Variants in LEKR1 observed in about 807,000 individuals in gnomAD.
The protein encoded by LEKR1 is leucine, glutamate and lysine rich 1, also known as protein LEKR1.
In LEKR1, 59 loss-of-function variants were observed where a neutral mutation model predicts 72.4. The observed-to-expected ratio is 0.82, with a 90% CI of 0.66 to 1.01. The LOEUF (loss-of-function observed/expected upper bound fraction) is 1.01, where lower values mean the gene tolerates loss of function less well. Among genes scored for constraint, LEKR1 ranks in the 50% least tolerant of loss-of-function variants. LEKR1 has a pLI of 0.00. For missense variants in LEKR1, 728 were observed against 759.2 expected, an observed-to-expected ratio of 0.96 and a Z score of 0.48; for synonymous variants, 257 against 263.2, an observed-to-expected ratio of 0.98 and a Z score of 0.23.
At chr3:157,031,557 G>A (rs1211415575) in intron 12 of LEKR1, among the ~76,000 whole-genome samples, 1 of 152,050 alleles carries the variant, frequency 6.6e-6, no homozygotes, top group Admixed American at 6.6e-5. Flanking sequence ...TATAAAAATA[G>A]GAAATGAGCC....
At chr3:156,962,843 T>C (rs1054482272) in intron 6 of LEKR1, among the ~76,000 whole-genome samples, 1 of 152,190 alleles carries the variant, frequency 6.6e-6, no homozygotes, top group Non-Finnish European at 1.5e-5. Flanking sequence ...CATTGCAACC[T>C]TCTCTCCTTG....
chr3:156,859,668 A>G (rs1185010992), intron 3 of LEKR1, among the ~76,000 whole-genome samples: 1 of 152,130 alleles, frequency 6.6e-6, no homozygotes, highest in Admixed American at 6.5e-5. Context: ...ACAAATGTAT[A>G]AAGACATTAT....
intron 10 of LEKR1, among the ~76,000 whole-genome samples, chr3:157,012,307 T>A (rs549850352): frequency 1.6e-4 from 25 of 152,218 alleles, no homozygotes; most frequent in African/African-American, 6.0e-4. Context: ...TCTGCCTTAG[T>A]TTTCTTATTA....
chr3:156,900,173 G>GT, intron 3 of LEKR1, among the ~76,000 whole-genome samples: 1 of 152,172 alleles, frequency 6.6e-6, no homozygotes, highest in Non-Finnish European at 1.5e-5. Flanking sequence ...CAGGAGACTG[G>GT]TTTTGTGGGA....
chr3:156,901,710 G>T (rs949177203), intron 3 of LEKR1, among the ~76,000 whole-genome samples: 14 of 151,938 alleles, frequency 9.2e-5, no homozygotes, highest in African/African-American at 3.1e-4. Flanking sequence ...GTTTTGAGAC[G>T]GAGTCTCACT....
chr3:157,034,839 G>A (rs1259682529), intron 12 of LEKR1, among the ~76,000 whole-genome samples: 1 of 152,024 alleles, frequency 6.6e-6, no homozygotes, highest in Non-Finnish European at 1.5e-5. Context: ...TTGAGACAGA[G>A]TTTCACTCTG....
intron 6 of LEKR1, chr3:156,977,910 A>G (rs1380655127): frequency 6.2e-6 from 1 of 161,700 alleles, no homozygotes; most frequent in Non-Finnish European, 1.4e-5. Context: ...CACTTTTTAC[A>G]TGTACATTTT....
At chr3:156,996,417 T>G (rs190365654) in intron 9 of LEKR1, among the ~76,000 whole-genome samples, 1 of 152,182 alleles carries the variant, frequency 6.6e-6, no homozygotes, top group Admixed American at 6.5e-5. Flanking sequence ...AGTGGCATAG[T>G]AAGTGTGAGT....
At chr3:156,925,680 T>A (rs1724649768) in intron 4 of LEKR1, among the ~76,000 whole-genome samples, 1 of 152,024 alleles carries the variant, frequency 6.6e-6, no homozygotes, top group Non-Finnish European at 1.5e-5. Context: ...GAAAGCGAGA[T>A]GAATGGGTTG....
chr3:156,941,484 T>G (rs1205751403), intron 5 of LEKR1, among the ~76,000 whole-genome samples: 1 of 152,112 alleles, frequency 6.6e-6, no homozygotes, highest in Non-Finnish European at 1.5e-5. Flanking sequence ...GTCTGTCCTA[T>G]GTATCTCTAC....
In LEKR1 at chr3:156,942,713, A is replaced by G. The variant is rs765447125; in HGVS notation, c.744A>G (p.Leu248=). ...GCTATGATTTGCAAAAAGAAGTACTAGGTAAAGAAAAGTCTTTTGCTGTTT... is the reference window on the plus strand; with the variant it reads ...GCTATGATTTGCAAAAAGAAGTACTGGGTAAAGAAAAGTCTTTTGCTGTTT... The part of the protein sequence containing the change: ...TRCYDLQKEV[L]DLQCLVEALG... The change falls in exon 6 of 13, where the codon CTA becomes CTG. Residue 248 remains leucine, a splice_region_variant and synonymous_variant. Transcript: ENST00000356539. 54 of 1,239,126 alleles carry G rather than the reference A, an allele frequency of 4.4e-5. No homozygotes were observed. In the Middle Eastern group the frequency reaches 2.6e-3, roughly 60 times the overall value. 76.8% of individuals were successfully genotyped at this position (1,239,126 alleles called of 1,614,324 possible). A position where few individuals can be genotyped will look rare whatever the true frequency, so the allele number is the denominator to read the frequency against.
chr3:156,861,696 A>G (rs1429262849), intron 3 of LEKR1, among the ~76,000 whole-genome samples: 1 of 152,086 alleles, frequency 6.6e-6, no homozygotes, highest in Non-Finnish European at 1.5e-5. Flanking sequence ...AGGGCCATTA[A>G]AAAATAATTT....
At chr3:156,882,184 CAAAA>C (rs1390446252) in intron 3 of LEKR1, among the ~76,000 whole-genome samples, 1 of 151,998 alleles carries the variant, frequency 6.6e-6, no homozygotes, top group East Asian at 1.9e-4. Context: ...TTCTGCACAA[CAAAA>C]GAAACTACCA....
intron 2 of LEKR1, among the ~76,000 whole-genome samples, chr3:156,836,062 G>T (rs62273914): frequency 0.031 from 4,727 of 151,440 alleles, 109 homozygotes; most frequent in Non-Finnish European, 0.047. Flanking sequence ...TTAGTAGAGA[G>T]GGGCTTTCGT....
chr3:156,837,557 G>A (rs1013084410), intron 2 of LEKR1, among the ~76,000 whole-genome samples: 6 of 152,204 alleles, frequency 3.9e-5, no homozygotes, highest in Admixed American at 1.3e-4. Context: ...TGAGCATTGG[G>A]CTTATAGGGA....
intron 7 of LEKR1, among the ~76,000 whole-genome samples, chr3:156,983,816 A>G (rs560170598): frequency 3.9e-5 from 6 of 152,230 alleles, no homozygotes; most frequent in African/African-American, 1.4e-4. Flanking sequence ...TTACACCTCT[A>G]AAAACAATCA....
intron 7 of LEKR1, among the ~76,000 whole-genome samples, chr3:156,987,005 T>C (rs764318000): frequency 1.9e-4 from 28 of 150,970 alleles, no homozygotes; most frequent in Non-Finnish European, 2.2e-4. Flanking sequence ...CCTTTCAAAG[T>C]GGGGGGAAAT....
intron 6 of LEKR1, among the ~76,000 whole-genome samples, chr3:156,964,064 A>T (rs576779820): frequency 6.6e-6 from 1 of 152,266 alleles, no homozygotes; most frequent in South Asian, 2.1e-4. Flanking sequence ...GGGTATGAGT[A>T]TGTTATATAG....
At chr3:156,993,043 G>A (rs1008259068) in intron 8 of LEKR1, 31 bp from the exon 9 acceptor site, 1 of 1,195,198 alleles carries the variant, frequency 8.4e-7, no homozygotes, top group Non-Finnish European at 1.2e-6. Context: ...TATAATGTAT[G>A]TTGGTGGGTG....
Sources: gnomAD v4.1 joint callset for allele counts (sites outside exome capture counted in the v4.1 genomes callset) on GRCh38, gnomAD v4.1.1 for gene constraint, MANE v1.5 for transcripts, NCBI Gene and HGNC (gene_info 2026-07-23, HGNC 2026-07-21) for gene names.